The following SPRED2 variants were observed in gnomAD, a reference collection of about 807,000 sequenced individuals.
The protein encoded by SPRED2 is sprouty-related, EVH1 domain-containing protein 2.
A neutral mutation model predicts 43.0 loss-of-function variants in SPRED2; 47 were observed. The observed-to-expected ratio is 1.09, with a 90% CI of 0.87 to 1.40. The LOEUF is 1.40. SPRED2 is among the 40% of genes most tolerant of loss of function. The pLI, the probability that SPRED2 is intolerant of heterozygous loss-of-function variation, is 0.00. For missense variants in SPRED2, 561 were observed against 586.4 expected (o/e 0.96, Z 0.45); for synonymous variants, 225 against 225.7 (o/e 1.00, Z 0.03).
At chr2:65,317,308 T>A (rs1572830810) in intron 4 of SPRED2, among the ~76,000 whole-genome samples, 1 of 151,614 alleles carries the variant, frequency 6.6e-6, no homozygotes. Flanking sequence ...AGGTAAGGAG[T>A]TCAAGAGCAG....
chr2:65,367,439 T>G (rs1222868571), intron 1 of SPRED2, among the ~76,000 whole-genome samples: 1 of 152,184 alleles, frequency 6.6e-6, no homozygotes, highest in Non-Finnish European at 1.5e-5. Flanking sequence ...GAAGTATCTT[T>G]GAAAATTTTC....
At chr2:65,340,383 C>T (rs1167025131) in intron 2 of SPRED2, among the ~76,000 whole-genome samples, 1 of 152,180 alleles carries the variant, frequency 6.6e-6, no homozygotes, top group Non-Finnish European at 1.5e-5. Context: ...AAATTAAAAT[C>T]CTGCCAAATT....
At chr2:65,364,825 G>A (rs1457240037) in intron 1 of SPRED2, among the ~76,000 whole-genome samples, 2 of 151,946 alleles carry the variant, frequency 1.3e-5, no homozygotes, top group African/African-American at 2.4e-5. Context: ...CAGGAAATTA[G>A]TTATTCTGTC....
chr2:65,420,357 CT>C (rs1676395184), intron 1 of SPRED2, among the ~76,000 whole-genome samples: 1 of 152,146 alleles, frequency 6.6e-6, no homozygotes, highest in Admixed American at 6.5e-5. Context: ...TTTAGTACCC[CT>C]TTTGGGGGGA....
At position 65,360,022 on chromosome 2, in the gene SPRED2, G is replaced by A. The variant is rs570549225; in HGVS notation, c.27-15126C>T. Among the ~76,000 whole-genome samples the A allele has an allele frequency of 3.7e-5, 5 of 135,962 alleles. No homozygotes were observed. The South Asian group carries it at 9.3e-4, about 25-fold the overall frequency. 89.2% of individuals were successfully genotyped at this position (135,962 alleles called of 152,430 possible). On this transcript the variant is annotated intron_variant, in intron 1 of 5. Transcript: ENST00000356388. ...GGAGGTTGCAGTGAGCCAAGGTCGC[G>A]TCACTGCACTCCAACCTGGGCGACA...
intron 1 of SPRED2, among the ~76,000 whole-genome samples, chr2:65,371,470 T>C (rs181502866): frequency 1.2e-3 from 185 of 152,242 alleles, no homozygotes; most frequent in African/African-American, 4.3e-3. Flanking sequence ...GTCAATCCAA[T>C]AGAGAAATGT....
chr2:65,332,228 T>C, intron 3 of SPRED2, 177 bp from the exon 4 acceptor site: 1 of 465,292 alleles, frequency 2.1e-6, no homozygotes, highest in Non-Finnish European at 4.0e-6. Context: ...AATTGATTCT[T>C]GCCAGGATGC....
chr2:65,353,048 G>A (rs1366800868), intron 1 of SPRED2, among the ~76,000 whole-genome samples: 2 of 152,038 alleles, frequency 1.3e-5, no homozygotes, highest in African/African-American at 4.8e-5. Flanking sequence ...TGTGTAGGAG[G>A]TGGCGGTGGT....
chr2:65,391,231 A>C (rs1479013125), intron 1 of SPRED2, among the ~76,000 whole-genome samples: 1 of 100,326 alleles, frequency 1.0e-5, no homozygotes, highest in African/African-American at 3.3e-5. Context: ...CACACACACG[A>C]ATCATTAATT....
chr2:65,357,495 G>T lies in SPRED2; in HGVS notation c.27-12599C>A, dbSNP rs1442874062. Among the ~76,000 whole-genome samples, 3 of 152,236 alleles carry T rather than the reference G, an allele frequency of 2.0e-5. No homozygotes were observed. The East Asian group carries it at 5.8e-4, about 29-fold the overall frequency. On this transcript the variant is annotated intron_variant, in intron 1 of 5. Coordinates refer to ENST00000356388, the MANE Select transcript of SPRED2 (RefSeq NM_181784.3). ...TTCAAGGTCACTGACATTAGGGACA[G>T]ATAAAGGACTAAGATCAGTCTCTGT...
intron 1 of SPRED2, among the ~76,000 whole-genome samples, chr2:65,409,774 G>A (rs955795568): frequency 6.7e-6 from 1 of 150,356 alleles, no homozygotes; most frequent in Admixed American, 6.6e-5. Context: ...GGTGGCTCAC[G>A]CCTGTAATCC....
intron 3 of SPRED2, 106 bp from the exon 4 acceptor site, chr2:65,332,157 T>C (rs1195553787): frequency 3.1e-6 from 2 of 636,558 alleles, no homozygotes; most frequent in East Asian, 3.1e-5. Flanking sequence ...TCTTTTTGCA[T>C]GTGAATTACC....
intron 4 of SPRED2, among the ~76,000 whole-genome samples, chr2:65,331,129 T>C (rs949186165): frequency 6.6e-6 from 1 of 152,306 alleles, no homozygotes. Context: ...CTGTCCAGGC[T>C]GGGCGTGGTG....
chr2:65,359,173 T>G (rs1325157275), intron 1 of SPRED2, among the ~76,000 whole-genome samples: 4 of 152,304 alleles, frequency 2.6e-5, no homozygotes, highest in African/African-American at 9.6e-5. Flanking sequence ...AATGGATTCT[T>G]GACTAGTTGA....
chr2:65,417,880 C>A (rs562766920), intron 1 of SPRED2, among the ~76,000 whole-genome samples: 1 of 152,338 alleles, frequency 6.6e-6, no homozygotes, highest in African/African-American at 2.4e-5. Flanking sequence ...ACTTCACTGA[C>A]GAGTGCTGTG....
rs561539516 is a variant in SPRED2 at position 65,369,057 on chromosome 2, G to A, written c.27-24161C>T. 5.3e-5 allele frequency among the ~76,000 whole-genome samples: 8 copies of A among 150,892 alleles called. No individual in the cohort carries two copies. The South Asian group carries it at 1.7e-3, about 33-fold the overall frequency. On this transcript the variant is annotated intron_variant, in intron 1 of 5. Transcript: ENST00000356388. ...ACCACCGCACTCCAGCCTGGGTGAT[G>A]GAGCAAAAGACCATGTCTCAAAAAA... is the stretch of plus-strand genomic sequence containing the variant.
chr2:65,311,482 G>C lies in SPRED2; in HGVS notation c.*2019C>G, dbSNP rs1673065855. On this transcript the variant is annotated 3_prime_UTR_variant, in exon 6 of 6. Coordinates refer to ENST00000356388, the MANE Select transcript of SPRED2 (RefSeq NM_181784.3). ...CTTATTGAAATAAATAGGGGCACTTGAACTGAGGTCTAAGGAAACGAACAT... is the reference window on the plus strand; with the variant it reads ...CTTATTGAAATAAATAGGGGCACTTCAACTGAGGTCTAAGGAAACGAACAT... 1.0e-6 allele frequency: 1 copy of C among 985,864 alleles called. No homozygotes were observed. Among genetic ancestry groups the C allele is most frequent in the Non-Finnish European group, 1.2e-6 (1 of 829,928 alleles). The allele number at this position is 985,864 out of a possible 1,614,324, so 61.1% of individuals were successfully genotyped here. A position where few individuals can be genotyped will look rare whatever the true frequency, so the allele number is the denominator to read the frequency against.
intron 1 of SPRED2, among the ~76,000 whole-genome samples, chr2:65,407,450 G>C: frequency 6.6e-6 from 1 of 151,720 alleles, no homozygotes; most frequent in East Asian, 1.9e-4. Context: ...CAGCACGAGG[G>C]GGTTCTAATC....
intron 1 of SPRED2, among the ~76,000 whole-genome samples, chr2:65,376,202 A>C (rs983085651): frequency 6.6e-6 from 1 of 152,296 alleles, no homozygotes; most frequent in East Asian, 1.9e-4. Context: ...AGCTCAGTTT[A>C]TATTTCAGGG....
Sources: gnomAD v4.1 joint callset for allele counts (sites outside exome capture counted in the v4.1 genomes callset) on GRCh38, gnomAD v4.1.1 for gene constraint, MANE v1.5 for transcripts, NCBI Gene and HGNC (gene_info 2026-07-23, HGNC 2026-07-21) for gene names.